CAAP1: variants seen among roughly 807,000 people sequenced by gnomAD.
CAAP1 encodes the protein caspase activity and apoptosis inhibitor 1, also known as conserved anti-apoptotic protein.
Under a neutral mutation model 34.0 loss-of-function variants are expected in CAAP1, and 20 were observed. That is an observed-to-expected ratio of 0.59 (90% CI 0.41 to 0.86). CAAP1 has a LOEUF of 0.86. CAAP1 is among the 40% of genes least tolerant of loss of function. CAAP1 has a pLI of 0.00. For missense variants in CAAP1, 538 were observed against 450.5 expected, an observed-to-expected ratio of 1.19 and a Z score of -1.76; for synonymous variants, 213 against 166.7, an observed-to-expected ratio of 1.28 and a Z score of -2.14.
intron 5 of CAAP1, among the ~76,000 whole-genome samples, chr9:26,846,868 G>A (rs1822623444): frequency 6.6e-6 from 1 of 151,498 alleles, no homozygotes; most frequent in Admixed American, 6.6e-5. Flanking sequence ...CGTATTTTTA[G>A]TAGAGACGGG....
At chr9:26,847,580 G>C (rs1020790647) in intron 5 of CAAP1, among the ~76,000 whole-genome samples, 6 of 152,034 alleles carry the variant, frequency 3.9e-5, no homozygotes, top group African/African-American at 1.4e-4. Flanking sequence ...TTTTCCACGT[G>C]TGTATTGCCT....
At chr9:26,858,774 T>C (rs2131307482) in intron 5 of CAAP1, among the ~76,000 whole-genome samples, 1 of 148,786 alleles carries the variant, frequency 6.7e-6, no homozygotes, top group East Asian at 2.0e-4. Context: ...AGTGAGCTGA[T>C]ATTGCACCAC....
At chr9:26,871,700 G>A (rs1377838677) in intron 4 of CAAP1, among the ~76,000 whole-genome samples, 1 of 151,928 alleles carries the variant, frequency 6.6e-6, no homozygotes, top group African/African-American at 2.4e-5. Context: ...GAGGTGGGTG[G>A]GTCACCTGAG....
chr9:26,858,632 T>C (rs10812482), intron 5 of CAAP1, among the ~76,000 whole-genome samples: 44,602 of 151,648 alleles, frequency 0.29, 7,867 homozygotes, highest in East Asian at 0.73. Flanking sequence ...ACCATCCTGG[T>C]TAACACGGTG....
intron 4 of CAAP1, among the ~76,000 whole-genome samples, chr9:26,869,235 A>T (rs1401724215): frequency 1.3e-5 from 2 of 152,114 alleles, no homozygotes; most frequent in African/African-American, 2.4e-5. Flanking sequence ...AATACGGTGA[A>T]ATTCCTTTTA....
chr9:26,858,069 G>A (rs1287814974), intron 5 of CAAP1, among the ~76,000 whole-genome samples: 1 of 152,064 alleles, frequency 6.6e-6, no homozygotes, highest in Admixed American at 6.6e-5. Context: ...TTATATTTTG[G>A]TCTACTGAAC....
intron 4 of CAAP1, among the ~76,000 whole-genome samples, chr9:26,872,420 C>T (rs1823300344): frequency 6.6e-6 from 1 of 151,916 alleles, no homozygotes; most frequent in African/African-American, 2.4e-5. Context: ...TACATGACAC[C>T]AACTTGCTTT....
intron 4 of CAAP1, among the ~76,000 whole-genome samples, chr9:26,865,934 C>T (rs1823125620): frequency 6.6e-6 from 1 of 152,158 alleles, no homozygotes; most frequent in Non-Finnish European, 1.5e-5. Context: ...GCAACCTCCA[C>T]CTCCCAGGTT....
At chr9:26,870,659 G>A (rs1158543911) in intron 4 of CAAP1, among the ~76,000 whole-genome samples, 1 of 150,844 alleles carries the variant, frequency 6.6e-6, no homozygotes, top group Non-Finnish European at 1.5e-5. Context: ...TGTTGCCCAG[G>A]CTGGAGTAAT....
At chr9:26,882,347 G>A (rs956435194) in intron 4 of CAAP1, among the ~76,000 whole-genome samples, 5 of 152,302 alleles carry the variant, frequency 3.3e-5, no homozygotes, top group African/African-American at 1.2e-4. Flanking sequence ...CAGGCTCAGG[G>A]CTCCCCTGCT....
intron 1 of CAAP1, among the ~76,000 whole-genome samples, chr9:26,889,136 G>A (rs62544413): frequency 0.076 from 11,562 of 152,278 alleles, 515 homozygotes; most frequent in Middle Eastern, 0.16. Flanking sequence ...AAACTGACTA[G>A]GCCGGCGCGG....
At chr9:26,869,513 G>GAAA (rs548367615) in intron 4 of CAAP1, among the ~76,000 whole-genome samples, 1 of 150,436 alleles carries the variant, frequency 6.6e-6, no homozygotes, top group African/African-American at 2.4e-5. Flanking sequence ...TCTGAATGTG[G>GAAA]AAAAAAAAAC....
Position 26,892,521 on chromosome 9 carries a change from G to A in CAAP1, c.195C>T (p.Thr65=), listed in dbSNP as rs769177546. Residue 65 remains threonine (T), a synonymous_variant, in exon 1 of 6, where the codon ACC becomes ACT. Transcript: ENST00000333916. ...CGNANFSGSV[T]GGGSGGSCWG... ...AACAGCTGCCGCCGCTCCCACCGCC[G>A]GTGACACTTCCACTAAAATTGGCGT... The A allele has an allele frequency of 2.5e-6, 4 of 1,572,432 alleles. No homozygotes were observed. Among genetic ancestry groups the A allele is most frequent in the Admixed American group, 1.9e-5 (1 of 53,410 alleles).
At chr9:26,890,998 A>G (rs1456645259) in intron 1 of CAAP1, among the ~76,000 whole-genome samples, 1 of 152,216 alleles carries the variant, frequency 6.6e-6, no homozygotes, top group Non-Finnish European at 1.5e-5. Context: ...ACTGAATTCC[A>G]GCCAAGTACA....
At chr9:26,847,551 G>A (rs577355237) in intron 5 of CAAP1, among the ~76,000 whole-genome samples, 1 of 151,972 alleles carries the variant, frequency 6.6e-6, no homozygotes, top group Non-Finnish European at 1.5e-5. Flanking sequence ...TATCTGATTA[G>A]AAATTAGGTT....
intron 5 of CAAP1, among the ~76,000 whole-genome samples, chr9:26,846,184 C>G (rs553287858): frequency 6.6e-6 from 1 of 151,960 alleles, no homozygotes; most frequent in African/African-American, 2.4e-5. Flanking sequence ...TTTGAGAGGC[C>G]AAGGCAGGTG....
At chr9:26,892,245 AGT>A in intron 1 of CAAP1, 166 bp downstream of exon 1, 1 of 1,489,246 alleles carries the variant, frequency 6.7e-7, no homozygotes, top group Non-Finnish European at 8.9e-7. Context: ...CACGGATGGG[AGT>A]GTGGGGCTCA....
chr9:26,855,323 G>C (rs149463996), intron 5 of CAAP1, among the ~76,000 whole-genome samples: 11 of 152,314 alleles, frequency 7.2e-5, no homozygotes, highest in African/African-American at 1.7e-4. Context: ...CAGGAGTTGG[G>C]GGGGAGAGAG....
chr9:26,847,817 T>C (rs1275138577), intron 5 of CAAP1, among the ~76,000 whole-genome samples: 2 of 152,166 alleles, frequency 1.3e-5, no homozygotes, highest in African/African-American at 4.8e-5. Flanking sequence ...GTGGTTTACT[T>C]TGGAAGGACT....
Sources: allele counts gnomAD v4.1 joint callset (sites outside exome capture counted in the v4.1 genomes callset), GRCh38; gene constraint gnomAD v4.1.1; transcripts MANE v1.5; gene names NCBI Gene and HGNC (gene_info 2026-07-23, HGNC 2026-07-21).